The following ADGRV1 variants were observed in gnomAD, a reference collection of about 807,000 sequenced individuals.
ADGRV1 encodes G-protein coupled receptor 98.
A neutral mutation model predicts 596.2 loss-of-function variants in ADGRV1; 359 were observed. The observed-to-expected ratio is 0.60, with a 90% confidence interval of 0.55 to 0.66. ADGRV1 has a LOEUF of 0.66. ADGRV1 is among the 30% of genes least tolerant of loss of function. The pLI is 0.00. For missense variants in ADGRV1, 7,274 were observed against 7,575.6 expected (o/e 0.96, Z 1.48); for synonymous variants, 2,681 against 2,679.2 (o/e 1.00, Z -0.02).
intron 70 of ADGRV1, 72 bp downstream of exon 70, chr5:90,791,418 A>T (rs946266492): frequency 9.0e-7 from 1 of 1,109,550 alleles, no homozygotes; most frequent in Non-Finnish European, 1.3e-6. Flanking sequence ...CTTACCTCAT[A>T]ATCAGTTTGA....
In ADGRV1 at chr5:90,774,271, C is replaced by G; in HGVS notation, c.12371C>G (p.Ser4124Ter). ...EDRRFTIQLI[S>*]IDEVEISPVK... is the part of the protein sequence containing the mutation. The stretch of plus-strand genomic sequence containing the variant: ...AGGCGTTTCACCATTCAGCTGATAT[C>G]AATTGATGAGGTAGAAATATCTCCA... Residue 4124 changes from serine to a stop codon, truncating the protein, a stop_gained, in exon 60 of 90, where the codon TCA becomes TGA. Transcript: ENST00000405460. LOFTEE classifies it high-confidence loss of function. 6.3e-7 allele frequency: 1 copy of G among 1,598,266 alleles called. No homozygotes were observed. The highest frequency in any genetic ancestry group is 8.6e-7 in the Non-Finnish European group (1 of 1,165,990).
In ADGRV1 at chr5:90,697,153, T is replaced by C; in HGVS notation, c.8155+7T>C. The C allele has an allele frequency of 6.2e-7, 1 of 1,608,396 alleles. No homozygotes were observed. The highest frequency in any genetic ancestry group is 8.5e-7 in the Non-Finnish European group (1 of 1,176,322). Reference sequence around the variant, plus strand: ...TCTGTCATAGGTCATGAAGGTGGGTTCCTTTTTTTGTTAAGCATATTCATT... The same window carrying C: ...TCTGTCATAGGTCATGAAGGTGGGTCCCTTTTTTTGTTAAGCATATTCATT... On this transcript the variant is annotated splice_region_variant and intron_variant, in intron 34 of 89. Coordinates refer to ENST00000405460, the MANE Select transcript of ADGRV1 (RefSeq NM_032119.4).
At chr5:91,136,224 C>T (rs1290555695) in intron 87 of ADGRV1, among the ~76,000 whole-genome samples, 2 of 152,114 alleles carry the variant, frequency 1.3e-5, no homozygotes, top group African/African-American at 4.8e-5. Context: ...ACATTAACAC[C>T]TCCCCCATTG....
At chr5:90,660,303 G>T (rs1770078869) in intron 21 of ADGRV1, among the ~76,000 whole-genome samples, 1 of 152,100 alleles carries the variant, frequency 6.6e-6, no homozygotes. Flanking sequence ...GAAAATATCA[G>T]CAGATTTTAA....
intron 83 of ADGRV1, among the ~76,000 whole-genome samples, chr5:90,878,202 A>G (rs1165798394): frequency 1.3e-5 from 2 of 152,224 alleles, no homozygotes; most frequent in African/African-American, 4.8e-5. Flanking sequence ...GTTAGGGAGA[A>G]AGGAAGCTGA....
intron 47 of ADGRV1, 96 bp downstream of exon 47, chr5:90,725,328 T>TAA: frequency 1.1e-6 from 1 of 898,188 alleles, no homozygotes; most frequent in Non-Finnish European, 1.6e-6. Flanking sequence ...TGTTTTATGT[T>TAA]AATGTGAAAA....
chr5:90,781,435 A>G lies in ADGRV1; in HGVS notation c.13088A>G (p.Tyr4363Cys), dbSNP rs1040207686. Residue 4363 changes from tyrosine (Y) to cysteine (C), a missense_variant, in exon 65 of 90, where the codon TAT becomes TGT. Physicochemically the swap from Tyr to Cys is radical, Grantham distance 194. Transcript: ENST00000405460. ...GATTTGTATGACTTTGGAAGAGGGT[A>G]TGATTTTACCATTCAAGAAAATGGA... is the stretch of plus-strand genomic sequence containing the variant. ...ITKVELQGRGYDFTIQENGLQ... is the reference protein window; with the variant it reads ...ITKVELQGRGCDFTIQENGLQ... The G allele has an allele frequency of 4.4e-6, 7 of 1,599,844 alleles. No homozygotes were observed. Among genetic ancestry groups the G allele is most frequent in the African/African-American group, 1.3e-5 (1 of 74,820 alleles).
At position 91,074,247 on chromosome 5, in the gene ADGRV1, G is replaced by A. The variant is rs184023488; in HGVS notation, c.18310+1643G>A. On this transcript the variant is annotated intron_variant, in intron 86 of 89. Coordinates refer to ENST00000405460, the MANE Select transcript of ADGRV1 (RefSeq NM_032119.4). ...ATAAATTGCATGTCACCTCATGGGG[G>A]TTTGGTGTACAGATTATTTCACCAC... Among the ~76,000 whole-genome samples the A allele has an allele frequency of 4.1e-3, 617 of 152,196 alleles. 3 individuals carry two copies. Among genetic ancestry groups the A allele is most frequent in the African/African-American group, 0.014 (594 of 41,500 alleles).
At chr5:91,037,270 GTACTAGACAGTAAGCAAATC>G in intron 85 of ADGRV1, among the ~76,000 whole-genome samples, 1 of 152,200 alleles carries the variant, frequency 6.6e-6, no homozygotes, top group Non-Finnish European at 1.5e-5. Flanking sequence ...CGTCTTTTTT[GTACTAGACAGTAAGCAAATC>G]TGCTGTCTGC....
At chr5:90,673,904 A>G (rs1357101501) in intron 22 of ADGRV1, 150 bp from the exon 23 acceptor site, 5 of 610,438 alleles carry the variant, frequency 8.2e-6, no homozygotes, top group South Asian at 4.4e-5. Context: ...GCACACACAC[A>G]TACAATGTTT....
intron 78 of ADGRV1, among the ~76,000 whole-genome samples, chr5:90,847,699 C>T (rs567184552): frequency 3.9e-5 from 6 of 152,320 alleles, no homozygotes; most frequent in East Asian, 3.9e-4. Flanking sequence ...AAGTCGAGCA[C>T]GGCAGCTGCT....
rs926792419 is a variant in ADGRV1 at position 90,720,189 on chromosome 5, T to C, written c.9589T>C (p.Leu3197=). Residue 3197 remains leucine (L), a synonymous_variant, in exon 44 of 90, where the codon TTG becomes CTG. Transcript: ENST00000405460. ...LITVLQNQAP[L]GLFSISAVEN... ...AACAGTTTTGCAAAACCAGGCCCCT[T>C]TGGGGCTATTCAGTATCTCTGCAGT... 6.2e-7 allele frequency: 1 copy of C among 1,604,260 alleles called. No individual in the cohort carries two copies. Among genetic ancestry groups the C allele is most frequent in the Non-Finnish European group, 8.5e-7 (1 of 1,175,206 alleles).
chr5:90,620,427 T>C (rs368255515), intron 4 of ADGRV1, among the ~76,000 whole-genome samples: 1 of 152,254 alleles, frequency 6.6e-6, no homozygotes, highest in South Asian at 2.1e-4. Flanking sequence ...TCATATCCTT[T>C]GCCCACTTTT....
At chr5:91,137,316 C>A (rs896565022) in intron 87 of ADGRV1, among the ~76,000 whole-genome samples, 1 of 152,078 alleles carries the variant, frequency 6.6e-6, no homozygotes, top group Non-Finnish European at 1.5e-5. Context: ...AACTTACTTG[C>A]TCTTGATAAA....
At chr5:91,049,530 C>G (rs903771398) in intron 85 of ADGRV1, among the ~76,000 whole-genome samples, 1 of 152,254 alleles carries the variant, frequency 6.6e-6, no homozygotes, top group South Asian at 2.1e-4. Flanking sequence ...ACTAAATACA[C>G]GAATTTTACA....
chr5:90,979,177 T>G (rs1190595862), intron 84 of ADGRV1, among the ~76,000 whole-genome samples: 2 of 151,970 alleles, frequency 1.3e-5, no homozygotes, highest in Non-Finnish European at 2.9e-5. Context: ...CTTTTTTTTT[T>G]TTTCTTTTTG....
intron 83 of ADGRV1, among the ~76,000 whole-genome samples, chr5:90,913,154 T>C (rs1053803627): frequency 1.2e-4 from 18 of 152,266 alleles, no homozygotes; most frequent in Admixed American, 9.2e-4. Context: ...CTGAGCATTA[T>C]AGACTGTGGA....
At chr5:90,683,496 T>C in intron 27 of ADGRV1, 90 bp from the exon 28 acceptor site, 2 of 1,030,252 alleles carry the variant, frequency 1.9e-6, no homozygotes, top group Non-Finnish European at 1.4e-6. Context: ...TAAAATAAAA[T>C]TGTGCTGCTA....
chr5:90,663,281 C>T (rs1238180278), intron 21 of ADGRV1, among the ~76,000 whole-genome samples: 2 of 146,416 alleles, frequency 1.4e-5, no homozygotes, highest in Middle Eastern at 3.4e-3. Context: ...CTGTTGTTTC[C>T]TGACTTTTTA....
Sources: allele counts gnomAD v4.1 joint callset (sites outside exome capture counted in the v4.1 genomes callset), GRCh38; gene constraint gnomAD v4.1.1; transcripts MANE v1.5; gene names NCBI Gene and HGNC (gene_info 2026-07-23, HGNC 2026-07-21).